The following DCC variants were observed in gnomAD, a reference collection of about 807,000 sequenced individuals.
DCC encodes DCC netrin 1 receptor.
A neutral mutation model predicts 172.5 loss-of-function variants in DCC; 58 were observed. That is an observed-to-expected ratio of 0.34 (90% CI 0.27 to 0.42). DCC has a LOEUF of 0.42. Among genes scored for constraint, DCC ranks in the 10% least tolerant of loss-of-function variants. The pLI, the probability that DCC is intolerant of heterozygous loss-of-function variation, is 1.00. For missense variants in DCC, 1,740 were observed against 1,791.0 expected (o/e 0.97, Z 0.51); for synonymous variants, 709 against 644.5 (o/e 1.10, Z -1.52).
intron 4 of DCC, 98 bp downstream of exon 4, chr18:52,923,955 G>C: frequency 2.3e-6 from 2 of 871,380 alleles, no homozygotes; most frequent in Non-Finnish European, 3.8e-6. Flanking sequence ...TACAGTACTA[G>C]GGTTTTTCAT....
intron 15 of DCC, among the ~76,000 whole-genome samples, chr18:53,352,515 C>T (rs2057823572): frequency 1.3e-5 from 2 of 152,006 alleles, no homozygotes; most frequent in South Asian, 4.1e-4. Context: ...TTAGTGCATC[C>T]ACTCCAGACT....
At chr18:52,865,009 G>T (rs908458275) in intron 2 of DCC, among the ~76,000 whole-genome samples, 35 of 152,164 alleles carry the variant, frequency 2.3e-4, no homozygotes, top group Admixed American at 2.2e-3. Context: ...AGGACTACAG[G>T]TGCCTGCCAC....
intron 1 of DCC, among the ~76,000 whole-genome samples, chr18:52,459,841 A>C (rs771232093): frequency 2.6e-5 from 4 of 151,930 alleles, no homozygotes; most frequent in Admixed American, 1.3e-4. Context: ...ATGTTCCTGC[A>C]AAAGACATGA....
At chr18:53,205,387 C>G in intron 10 of DCC, 23 bp downstream of exon 10, 1 of 1,610,232 alleles carries the variant, frequency 6.2e-7, no homozygotes, top group Non-Finnish European at 8.5e-7. Context: ...ATGGACCACA[C>G]TGCTTCCATC....
chr18:53,431,730 C>T (rs1396745958), intron 21 of DCC, among the ~76,000 whole-genome samples: 1 of 152,118 alleles, frequency 6.6e-6, no homozygotes, highest in East Asian at 1.9e-4. Context: ...GTGATCCACC[C>T]TCCTCGGCCT....
intron 1 of DCC, among the ~76,000 whole-genome samples, chr18:52,469,816 G>A (rs1463606346): frequency 6.6e-6 from 1 of 152,128 alleles, no homozygotes; most frequent in Non-Finnish European, 1.5e-5. Flanking sequence ...CTGCATTACT[G>A]GGACCTCACA....
chr18:53,183,487 TG>T (rs1425599454), intron 9 of DCC, among the ~76,000 whole-genome samples: 2 of 152,152 alleles, frequency 1.3e-5, no homozygotes, highest in Admixed American at 6.5e-5. Context: ...AATTATTATT[TG>T]CAGTCCTTTA....
chr18:53,232,339 G>A (rs1372649837), intron 12 of DCC, among the ~76,000 whole-genome samples: 1 of 152,092 alleles, frequency 6.6e-6, no homozygotes, highest in Non-Finnish European at 1.5e-5. Context: ...TCCCTTAAGA[G>A]TACCTCTCTC....
chr18:53,231,508 A>G (rs16956394), intron 12 of DCC, among the ~76,000 whole-genome samples: 307 of 152,280 alleles, frequency 2.0e-3, no homozygotes, highest in African/African-American at 7.1e-3. Flanking sequence ...GCAATCAGCT[A>G]TTCTTTGCCT....
intron 23 of DCC, among the ~76,000 whole-genome samples, chr18:53,458,665 A>G (rs1230473154): frequency 6.6e-6 from 1 of 152,184 alleles, no homozygotes; most frequent in African/African-American, 2.4e-5. Context: ...GAATCTGGAC[A>G]CTCAGTGATG....
chr18:52,851,890 C>G (rs1275723924), intron 2 of DCC, among the ~76,000 whole-genome samples: 1 of 152,040 alleles, frequency 6.6e-6, no homozygotes, highest in Non-Finnish European at 1.5e-5. Context: ...TGGGTTTTGA[C>G]CAGACACCAG....
At chr18:52,818,399 G>A (rs1445333000) in intron 2 of DCC, among the ~76,000 whole-genome samples, 2 of 131,774 alleles carry the variant, frequency 1.5e-5, no homozygotes, top group Non-Finnish European at 3.1e-5. Flanking sequence ...GCAACAGAAT[G>A]AGACCCTGTC....
At chr18:52,552,654 G>A (rs1144076) in intron 1 of DCC, among the ~76,000 whole-genome samples, 37,119 of 151,668 alleles carry the variant, frequency 0.24, 4,650 homozygotes, top group African/African-American at 0.3. Context: ...ATTTTTCCAC[G>A]TGCTACTAAT....
intron 1 of DCC, among the ~76,000 whole-genome samples, chr18:52,638,441 A>T (rs1460136634): frequency 6.6e-6 from 1 of 152,176 alleles, no homozygotes; most frequent in Non-Finnish European, 1.5e-5. Context: ...TGCTGCCTTC[A>T]GGAAACTCAC....
At chr18:52,987,886 C>T (rs2041320314) in intron 5 of DCC, among the ~76,000 whole-genome samples, 1 of 152,170 alleles carries the variant, frequency 6.6e-6, no homozygotes, top group Admixed American at 6.5e-5. Context: ...TATTCCTTAA[C>T]CTAATGCATT....
chr18:52,626,019 C>G (rs2034567056), intron 1 of DCC, among the ~76,000 whole-genome samples: 1 of 152,122 alleles, frequency 6.6e-6, no homozygotes, highest in African/African-American at 2.4e-5. Flanking sequence ...GGGTCCTCTT[C>G]TTTTCTCAAT....
chr18:52,902,002 T>C (rs1038859699), intron 2 of DCC, among the ~76,000 whole-genome samples: 6 of 152,042 alleles, frequency 3.9e-5, no homozygotes, highest in Admixed American at 2.6e-4. Flanking sequence ...AAGGGAGAGA[T>C]TTTTGATTGA....
At chr18:53,098,869 G>T (rs2043123819) in intron 7 of DCC, among the ~76,000 whole-genome samples, 1 of 152,060 alleles carries the variant, frequency 6.6e-6, no homozygotes, top group Admixed American at 6.6e-5. Flanking sequence ...AATAAGCCCA[G>T]CTGTGGTGGT....
chr18:52,654,483 A>G (rs943170863), intron 1 of DCC, among the ~76,000 whole-genome samples: 1 of 152,042 alleles, frequency 6.6e-6, no homozygotes, highest in Non-Finnish European at 1.5e-5. Context: ...CTGACATCCA[A>G]CTCAAGGTAT....
Sources: gnomAD v4.1 joint callset for allele counts (sites outside exome capture counted in the v4.1 genomes callset) on GRCh38, gnomAD v4.1.1 for gene constraint, MANE v1.5 for transcripts, NCBI Gene and HGNC (gene_info 2026-07-23, HGNC 2026-07-21) for gene names.